BDP1: variants seen among roughly 807,000 people sequenced by gnomAD.
BDP1 encodes the protein transcription factor TFIIIB component B'' homolog.
In BDP1, 169 loss-of-function variants were observed where a neutral mutation model predicts 266.6. The observed-to-expected ratio is 0.63, with a 90% confidence interval of 0.56 to 0.72. The LOEUF (loss-of-function observed/expected upper bound fraction) is 0.72. Among genes scored for constraint, BDP1 ranks in the 30% least tolerant of loss-of-function variants. The pLI is 0.00. For synonymous variants in BDP1, 1,090 were observed against 1,022.4 expected (o/e 1.07, Z -1.26); for missense variants, 3,015 against 3,053.8 (o/e 0.99, Z 0.30).
chr5:71,546,152 G>A (rs1365852327), intron 32 of BDP1, among the ~76,000 whole-genome samples: 1 of 152,112 alleles, frequency 6.6e-6, no homozygotes, highest in Non-Finnish European at 1.5e-5. Context: ...AAAGTTACGA[G>A]ATTCCTTACC....
At chr5:71,485,958 C>A (rs1763236655) in intron 8 of BDP1, among the ~76,000 whole-genome samples, 1 of 152,182 alleles carries the variant, frequency 6.6e-6, no homozygotes, top group South Asian at 2.1e-4. Context: ...GAAATGTTTT[C>A]ATCACTTCAC....
intron 16 of BDP1, among the ~76,000 whole-genome samples, chr5:71,507,551 A>G (rs1174735694): frequency 6.6e-6 from 1 of 152,228 alleles, no homozygotes. Context: ...ATATGTTTAA[A>G]TAATACGCCT....
At chr5:71,488,628 C>T (rs770243243) in intron 9 of BDP1, among the ~76,000 whole-genome samples, 22 of 151,922 alleles carry the variant, frequency 1.4e-4, no homozygotes, top group Non-Finnish European at 2.9e-4. Context: ...GGGGTTTCAC[C>T]ATGTTGGCCA....
At chr5:71,543,739 A>G (rs1276892003) in intron 30 of BDP1, among the ~76,000 whole-genome samples, 4 of 152,228 alleles carry the variant, frequency 2.6e-5, no homozygotes, top group Admixed American at 2.0e-4. Context: ...AACCTGTAAT[A>G]CATATCAAGC....
At chr5:71,573,129 G>A in the BDP1 span, among the ~76,000 whole-genome samples, 1 of 151,786 alleles carries the variant, frequency 6.6e-6, no homozygotes, top group African/African-American at 2.4e-5. Flanking sequence ...CTCAGGAGGC[G>A]GAGGCAGGAG....
intron 34 of BDP1, among the ~76,000 whole-genome samples, chr5:71,551,121 A>C (rs1349974882): frequency 6.8e-6 from 1 of 146,950 alleles, no homozygotes; most frequent in Non-Finnish European, 1.5e-5. Context: ...TTATTTATTT[A>C]TTTATTTTTA....
At chr5:71,475,718 G>C (rs1052550917) in intron 7 of BDP1, 1 of 154,150 alleles carries the variant, frequency 6.5e-6, no homozygotes, top group Non-Finnish European at 1.4e-5. Flanking sequence ...TGTGAGATGA[G>C]ATATCTTGAT....
chr5:71,502,565 A>G, intron 14 of BDP1, 34 bp from the exon 15 acceptor site: 1 of 1,540,060 alleles, frequency 6.5e-7, no homozygotes, highest in Non-Finnish European at 8.8e-7. Context: ...GTGACTTCAA[A>G]ATAAACATTA....
At chr5:71,487,756 G>A (rs973908118) in intron 9 of BDP1, among the ~76,000 whole-genome samples, 3 of 152,120 alleles carry the variant, frequency 2.0e-5, no homozygotes, top group African/African-American at 7.2e-5. Flanking sequence ...CAAAAATTTC[G>A]GATTTTCAAA....
intron 12 of BDP1, 89 bp downstream of exon 12, chr5:71,495,497 G>A: frequency 1.3e-6 from 1 of 798,716 alleles, no homozygotes; most frequent in Non-Finnish European, 1.9e-6. Context: ...GGATTCGAGG[G>A]GATTATTAAT....
intron 12 of BDP1, among the ~76,000 whole-genome samples, chr5:71,496,437 A>AT (rs1763898453): frequency 2.6e-5 from 2 of 76,264 alleles, no homozygotes; most frequent in African/African-American, 3.9e-5. Context: ...AACATTTATG[A>AT]ATTTTTTTTT....
At chr5:71,537,193 G>A (rs1766673243) in intron 26 of BDP1, among the ~76,000 whole-genome samples, 1 of 144,440 alleles carries the variant, frequency 6.9e-6, no homozygotes, top group African/African-American at 2.6e-5. Flanking sequence ...CAAACCATGG[G>A]AATAAAAGTA....
Position 71,563,024 on chromosome 5 carries a change from G to C in BDP1, c.7743+504G>C, listed in dbSNP as rs912661604. 22 of 445,048 alleles carry C rather than the reference G, an allele frequency of 4.9e-5. No individual in the cohort carries two copies. In the South Asian group the frequency reaches 6.9e-4, roughly 14 times the overall value. The allele number at this position is 445,048 out of a possible 1,614,324, so 27.6% of individuals were successfully genotyped here. ...TGAACAGCATGAGCCTTTGGAAGGG[G>C]TACTTTTGTAAAGAACATCTTTAAA... On this transcript the variant is annotated intron_variant, in intron 38 of 38. Coordinates refer to ENST00000358731, the MANE Select transcript of BDP1 (RefSeq NM_018429.3).
chr5:71,537,113 G>A (rs1007201485), intron 26 of BDP1, among the ~76,000 whole-genome samples: 6 of 120,296 alleles, frequency 5.0e-5, no homozygotes, highest in African/African-American at 1.3e-4. Context: ...AGGCAACAGA[G>A]CAAGACTCTG....
At chr5:71,541,888 T>C (rs1766990564) in intron 29 of BDP1, among the ~76,000 whole-genome samples, 1 of 152,216 alleles carries the variant, frequency 6.6e-6, no homozygotes, top group Non-Finnish European at 1.5e-5. Context: ...TGAAATAGAT[T>C]TATGTAAATG....
At position 71,545,136 on chromosome 5, in the gene BDP1, A is replaced by AG; in HGVS notation, c.6665dup (p.Leu2223SerfsTer3). On this transcript the variant is annotated frameshift_variant, in exon 32 of 39. Transcript: ENST00000358731. LOFTEE classifies it high-confidence loss of function. ...AGGGCCCTGCACACTTGGTTTGGATAGGGGTCTTGGTGAAAATTCTGTTGA... is the reference window on the plus strand; with the variant it reads ...AGGGCCCTGCACACTTGGTTTGGATAGGGGGTCTTGGTGAAAATTCTGTTGA... The AG allele has an allele frequency of 6.2e-7, 1 of 1,613,882 alleles. No homozygotes were observed. Among genetic ancestry groups the AG allele is most frequent in the South Asian group, 1.1e-5 (1 of 91,072 alleles).
chr5:71,500,411 G>A (rs1173219816), intron 13 of BDP1, among the ~76,000 whole-genome samples: 2 of 134,580 alleles, frequency 1.5e-5, no homozygotes, highest in South Asian at 2.5e-4. Context: ...AGCAACCTCC[G>A]CCTCCTGGGT....
chr5:71,462,450 T>C (rs1761635230), intron 3 of BDP1, among the ~76,000 whole-genome samples: 2 of 152,180 alleles, frequency 1.3e-5, no homozygotes, highest in African/African-American at 2.4e-5. Flanking sequence ...CCTTTATTTC[T>C]GAGATTAAAA....
At chr5:71,560,368 A>G (rs910531386) in intron 37 of BDP1, 131 bp downstream of exon 37, 2 of 1,044,962 alleles carry the variant, frequency 1.9e-6, no homozygotes, top group Non-Finnish European at 2.7e-6. Context: ...ATGTAAAGGA[A>G]AAAGTTTCAG....
Sources: allele counts gnomAD v4.1 joint callset (sites outside exome capture counted in the v4.1 genomes callset), GRCh38; gene constraint gnomAD v4.1.1; transcripts MANE v1.5; gene names NCBI Gene and HGNC (gene_info 2026-07-23, HGNC 2026-07-21).